Variants in TTF2 observed in about 807,000 individuals in gnomAD.
TTF2 encodes transcription termination factor 2, also known as RNA polymerase II termination factor.
In TTF2, 108 loss-of-function variants were observed where a neutral mutation model predicts 142.4. The ratio of observed to expected loss-of-function variants is 0.76; its 90% CI spans 0.65 to 0.89. TTF2 has a LOEUF of 0.89. Ranked by LOEUF, TTF2 falls within the 40% of genes least tolerant of loss-of-function variation. TTF2 has a pLI of 0.00. For synonymous variants in TTF2, 483 were observed against 506.2 expected, an observed-to-expected ratio of 0.95 and a Z score of 0.61; for missense variants, 1,327 against 1,379.8, an observed-to-expected ratio of 0.96 and a Z score of 0.61.
rs1199388099 is a variant in TTF2, at chr1:117,063,938, A to G, written c.218+1465A>G. On this transcript the variant is annotated intron_variant, in intron 3 of 22. Transcript: ENST00000369466. This position sits in a 1 kb window ranked among gnomAD's most constrained non-coding sequence, Gnocchi z 4.1. ...CCTGTCGAGTCATGTATCTACCACT[A>G]CAGTCAAGGTACTGAAGAGTTCCAT... Among the ~76,000 whole-genome samples the G allele has an allele frequency of 6.6e-6, 1 of 152,276 alleles. No homozygotes were observed. The highest frequency in any genetic ancestry group is 1.9e-4 in the East Asian group (1 of 5,184).
At position 117,085,516 on chromosome 1, in the gene TTF2, A is replaced by G. The variant is rs1377995151; in HGVS notation, c.2055-901A>G. On this transcript the variant is annotated intron_variant, in intron 11 of 22. Coordinates refer to ENST00000369466, the MANE Select transcript of TTF2 (RefSeq NM_003594.4). This position sits in a 1 kb window ranked among gnomAD's most constrained non-coding sequence, Gnocchi z 4.7. ...TGCAGTGAGCCAAGATCACACCCCT[A>G]CACTCCAGTCTGGATGACCAGGGTA... Among the ~76,000 whole-genome samples, 1 of 152,132 alleles carries G rather than the reference A, an allele frequency of 6.6e-6. No homozygotes were observed. The highest frequency in any genetic ancestry group is 2.4e-5 in the African/African-American group (1 of 41,430).
chr1:117,076,043 A>G lies in TTF2; in HGVS notation c.1276-137A>G. ...TGGTAAGCCAGCTGGGTTAAAATTT[A>G]AAAAAGGTTCTGGTTTTTGCACACA... On this transcript the variant is annotated intron_variant, in intron 5 of 22. Coordinates refer to ENST00000369466, the MANE Select transcript of TTF2 (RefSeq NM_003594.4). This position sits in a 1 kb window ranked among gnomAD's most constrained non-coding sequence, Gnocchi z 4.6. The G allele has an allele frequency of 7.7e-7, 1 of 1,297,126 alleles. No individual in the cohort carries two copies. The highest frequency in any genetic ancestry group is 1.6e-5 in the South Asian group (1 of 64,306). 80.4% of individuals were successfully genotyped at this position (1,297,126 alleles called of 1,614,324 possible). A position where few individuals can be genotyped will look rare whatever the true frequency, so the allele number is the denominator to read the frequency against.
chr1:117,107,325 A>C lies in TTF2; in HGVS notation c.*5801A>C, dbSNP rs1650021068. On this transcript the variant is annotated 3_prime_UTR_variant, in exon 23 of 23. Coordinates refer to ENST00000369466, the MANE Select transcript of TTF2 (RefSeq NM_003594.4). ...AATTGTTACCATTAATATTGCTTAA[A>C]GGCTAACACATTAGCCAGAACCTAG... The C allele has an allele frequency of 6.6e-6, 1 of 152,224 alleles. No individual in the cohort carries two copies. The highest frequency in any genetic ancestry group is 1.9e-4 in the East Asian group (1 of 5,200). 9.4% of individuals were successfully genotyped at this position (152,224 alleles called of 1,614,324 possible).
At chr1:117,094,218 CAG>C (rs1648885399) in intron 18 of TTF2, among the ~76,000 whole-genome samples, 1 of 152,194 alleles carries the variant, frequency 6.6e-6, no homozygotes, top group African/African-American at 2.4e-5. Context: ...CAGGGCACCT[CAG>C]AATTTATCTG....
At position 117,085,667 on chromosome 1, in the gene TTF2, CTTTAT is replaced by C. The variant is rs895553832; in HGVS notation, c.2055-738_2055-734del. Among the ~76,000 whole-genome samples, 10 of 150,442 alleles carry C rather than the reference CTTTAT, an allele frequency of 6.6e-5. No individual in the cohort carries two copies. Among genetic ancestry groups the C allele is most frequent in the South Asian group, 4.2e-4 (2 of 4,816 alleles). ...GAATTTTACTTTATTTCAATAAATA[CTTTAT>C]TTTATTTTATTATTTTATTTACTTT... On this transcript the variant is annotated intron_variant, in intron 11 of 22. Transcript: ENST00000369466. This position sits in a 1 kb window ranked among gnomAD's most constrained non-coding sequence, Gnocchi z 4.7.
chr1:117,091,521 T>TAG, intron 16 of TTF2, 111 bp downstream of exon 16: 1 of 1,158,124 alleles, frequency 8.6e-7, no homozygotes, highest in East Asian at 2.4e-5. Context: ...GATTTGGCGT[T>TAG]AACTAAGACC....
Position 117,092,068 on chromosome 1 carries a change from G to A in TTF2, c.2805+118G>A. On this transcript the variant is annotated intron_variant, in intron 17 of 22. Transcript: ENST00000369466. This position sits in a 1 kb window ranked among gnomAD's most constrained non-coding sequence, Gnocchi z 4.4. Reference sequence around the variant, plus strand: ...CTTGATCAAAGGAAATGCTGTTTCGGTTTTTCTATTTTTGTTTTTTGGTGG... The same window carrying A: ...CTTGATCAAAGGAAATGCTGTTTCGATTTTTCTATTTTTGTTTTTTGGTGG... 8.4e-7 allele frequency: 1 copy of A among 1,191,124 alleles called. No individual in the cohort carries two copies. 73.8% of individuals were successfully genotyped at this position (1,191,124 alleles called of 1,614,324 possible).
Position 117,097,657 on chromosome 1 carries a change from C to G in TTF2, c.3269+224C>G, listed in dbSNP as rs369267057. ...CTTCAAATGACTACTCAAAATAGTT[C>G]ATTCACGTTATTGTTAGTCTAACAT... On this transcript the variant is annotated intron_variant, in intron 21 of 22. Transcript: ENST00000369466. The surrounding 1 kb of genome is among the most constrained non-coding windows in gnomAD (Gnocchi z 4.1). Among the ~76,000 whole-genome samples the G allele has an allele frequency of 6.6e-6, 1 of 152,188 alleles. No homozygotes were observed. Among genetic ancestry groups the G allele is most frequent in the Non-Finnish European group, 1.5e-5 (1 of 68,040 alleles).
At position 117,083,831 on chromosome 1, in the gene TTF2, C is replaced by G. The variant is rs147182905; in HGVS notation, c.1904-187C>G. 5.9e-3 allele frequency among the ~76,000 whole-genome samples: 902 copies of G among 152,204 alleles called. 13 individuals are homozygous for G. Among genetic ancestry groups the G allele is most frequent in the Non-Finnish European group, 6.8e-3 (461 of 68,012 alleles). On this transcript the variant is annotated intron_variant, in intron 10 of 22. Transcript: ENST00000369466. ...AGAGGTAATGCCTTTAAGTTAAAGG[C>G]CGGTCAAACACGATGACTCACACCT...
In TTF2 at chr1:117,086,335, TTTA is replaced by T; in HGVS notation, c.2055-79_2055-77del. 9.8e-7 allele frequency: 1 copy of T among 1,017,954 alleles called. No individual in the cohort carries two copies. Among genetic ancestry groups the T allele is most frequent in the Non-Finnish European group, 1.5e-6 (1 of 660,164 alleles). 63.1% of individuals were successfully genotyped at this position (1,017,954 alleles called of 1,614,324 possible). Reference sequence around the variant, plus strand: ...GTTTGTCCTTCCATTTGTAGGCATTTTTATTGAAAGATCAACTCTGCCTCTCTC... The same window carrying T: ...GTTTGTCCTTCCATTTGTAGGCATTTTTGAAAGATCAACTCTGCCTCTCTC... On this transcript the variant is annotated intron_variant, in intron 11 of 22. Coordinates refer to ENST00000369466, the MANE Select transcript of TTF2 (RefSeq NM_003594.4). This position sits in a 1 kb window ranked among gnomAD's most constrained non-coding sequence, Gnocchi z 4.2.
rs1263241631 is a variant in TTF2 at position 117,087,767 on chromosome 1, CCTT to C, written c.2161-1031_2161-1029del. Among the ~76,000 whole-genome samples the C allele has an allele frequency of 5.9e-5, 9 of 152,218 alleles. No individual in the cohort carries two copies. The highest frequency in any genetic ancestry group is 1.2e-4 in the African/African-American group (5 of 41,454). On this transcript the variant is annotated intron_variant, in intron 12 of 22. Coordinates refer to ENST00000369466, the MANE Select transcript of TTF2 (RefSeq NM_003594.4). The surrounding 1 kb of genome is among the most constrained non-coding windows in gnomAD (Gnocchi z 4.8). Reference sequence around the variant, plus strand: ...CCGAATGAAACGCTTTGCCTCCACTCCTTCTCCCAGGTTAATTTTTTTAAACCT... The same window carrying C: ...CCGAATGAAACGCTTTGCCTCCACTCCTCCCAGGTTAATTTTTTTAAACCT...
rs1417290297 is a variant in TTF2 at position 117,106,270 on chromosome 1, T to C, written c.*4746T>C. 13 of 124,550 alleles carry C rather than the reference T, an allele frequency of 1.0e-4. No individual in the cohort carries two copies. Among genetic ancestry groups the C allele is most frequent in the South Asian group, 7.3e-4 (3 of 4,136 alleles). The allele number at this position is 124,550 out of a possible 1,614,324, so 7.7% of individuals were successfully genotyped here. A position where few individuals can be genotyped will look rare whatever the true frequency, so the allele number is the denominator to read the frequency against. On this transcript the variant is annotated 3_prime_UTR_variant, in exon 23 of 23. Coordinates refer to ENST00000369466, the MANE Select transcript of TTF2 (RefSeq NM_003594.4). The stretch of plus-strand genomic sequence containing the variant: ...TCAGTAGTTAGGGGATGGAGATAGA[T>C]ATGAAAAAAAAAAAAAGCAAACCCA...
At chr1:117,071,735 C>T (rs952285183) in intron 3 of TTF2, among the ~76,000 whole-genome samples, 3 of 152,066 alleles carry the variant, frequency 2.0e-5, no homozygotes, top group Admixed American at 6.6e-5. Context: ...TACTTAATTA[C>T]GTACAACAGG....
rs1232135878 is a variant in TTF2, at chr1:117,076,561, C to T, written c.1391-80C>T. 5 of 1,427,354 alleles carry T rather than the reference C, an allele frequency of 3.5e-6. No homozygotes were observed. Among genetic ancestry groups the T allele is most frequent in the Non-Finnish European group, 4.8e-6 (5 of 1,049,660 alleles). 88.4% of individuals were successfully genotyped at this position (1,427,354 alleles called of 1,614,324 possible). ...ATCGGAATGGTGATGATCCCTCTCT[C>T]TTGACCTCACCTCCACACATATGGT... On this transcript the variant is annotated intron_variant, in intron 6 of 22. Coordinates refer to ENST00000369466, the MANE Select transcript of TTF2 (RefSeq NM_003594.4). This position sits in a 1 kb window ranked among gnomAD's most constrained non-coding sequence, Gnocchi z 4.6.
At chr1:117,091,531 C>A in intron 16 of TTF2, 121 bp downstream of exon 16, 2 of 1,050,826 alleles carry the variant, frequency 1.9e-6, no homozygotes. Flanking sequence ...TAACTAAGAC[C>A]CTCAAACCAG....
At position 117,105,330 on chromosome 1, in the gene TTF2, AG is replaced by A. The variant is rs1340379105; in HGVS notation, c.*3807del. 5 of 152,202 alleles carry A rather than the reference AG, an allele frequency of 3.3e-5. No homozygotes were observed. The highest frequency in any genetic ancestry group is 1.2e-4 in the African/African-American group (5 of 41,428). 9.4% of individuals were successfully genotyped at this position (152,202 alleles called of 1,614,324 possible). A position where few individuals can be genotyped will look rare whatever the true frequency, so the allele number is the denominator to read the frequency against. On this transcript the variant is annotated 3_prime_UTR_variant, in exon 23 of 23. Coordinates refer to ENST00000369466, the MANE Select transcript of TTF2 (RefSeq NM_003594.4). This position sits in a 1 kb window ranked among gnomAD's most constrained non-coding sequence, Gnocchi z 4.7. ...AGAATTGACTTCATGGAAGGTATGT[AG>A]TTTGACTTTGCCTTAGCCATGTTGA...
In TTF2 at chr1:117,076,746, G is replaced by T. The variant is rs1226684971; in HGVS notation, c.1496G>T (p.Gly499Val). 1 of 1,613,980 alleles carries T rather than the reference G, an allele frequency of 6.2e-7. No individual in the cohort carries two copies. Among genetic ancestry groups the T allele is most frequent in the Admixed American group, 1.7e-5 (1 of 59,996 alleles). Residue 499 changes from glycine to valine, a missense_variant, in exon 7 of 23, where the codon GGT becomes GTT. Coordinates refer to ENST00000369466, the MANE Select transcript of TTF2 (RefSeq NM_003594.4). This position sits in a 1 kb window ranked among gnomAD's most constrained non-coding sequence, Gnocchi z 4.6. ...CCTCCCCAACCCCTTCCTCGTCGTG[G>T]TACCCAACCTGTGGGTTCTCTAGAA... ...LVPPQPLPRR[G>V]TQPVGSLELK...
intron 7 of TTF2, among the ~76,000 whole-genome samples, chr1:117,077,218 G>A (rs539657003): frequency 1.8e-4 from 27 of 152,242 alleles, no homozygotes; most frequent in Non-Finnish European, 3.4e-4. Flanking sequence ...AGGGACTACC[G>A]TAGATGTCTT....
rs1311327197 is a variant in TTF2 at position 117,100,639 on chromosome 1, T to TGG, written c.3345-740_3345-739insGG. ...TGAAACTCAGCCATGGTTTTGCACG[T>TGG]GTTCCCATTCCCTGGGGTGCTCTCC... On this transcript the variant is annotated intron_variant, in intron 22 of 22. Transcript: ENST00000369466. This position sits in a 1 kb window ranked among gnomAD's most constrained non-coding sequence, Gnocchi z 4.6. Among the ~76,000 whole-genome samples the TGG allele has an allele frequency of 6.6e-6, 1 of 152,308 alleles. No individual in the cohort carries two copies. Among genetic ancestry groups the TGG allele is most frequent in the Admixed American group, 6.5e-5 (1 of 15,294 alleles).
Sources: allele counts gnomAD v4.1 joint callset (sites outside exome capture counted in the v4.1 genomes callset), GRCh38; gene constraint gnomAD v4.1.1; non-coding constraint Gnocchi (gnomAD v3.1); transcripts MANE v1.5; gene names NCBI Gene and HGNC (gene_info 2026-07-23, HGNC 2026-07-21).